ZFPM1: variants seen among roughly 807,000 people sequenced by gnomAD.
ZFPM1 encodes zinc finger protein ZFPM1.
A neutral mutation model predicts 46.3 loss-of-function variants in ZFPM1; 28 were observed. The observed-to-expected ratio is 0.60, with a 90% CI of 0.45 to 0.83. ZFPM1 has a LOEUF of 0.83. Among genes scored for constraint, ZFPM1 ranks in the 40% least tolerant of loss-of-function variants. The pLI, the probability that ZFPM1 is intolerant of heterozygous loss-of-function variation, is 0.00. For missense variants in ZFPM1, 1,878 were observed against 1,432.4 expected, an observed-to-expected ratio of 1.31 and a Z score of -5.02; for synonymous variants, 957 against 675.9, an observed-to-expected ratio of 1.42 and a Z score of -6.45.
chr16:88,457,522 C>A (rs753479394), intron 1 of ZFPM1, among the ~76,000 whole-genome samples: 1 of 152,242 alleles, frequency 6.6e-6, no homozygotes, highest in Non-Finnish European at 1.5e-5. Flanking sequence ...TGCCTCGTCC[C>A]CAGTCACCAT....
intron 3 of ZFPM1, among the ~76,000 whole-genome samples, chr16:88,493,033 C>A (rs1370563181): frequency 6.7e-6 from 1 of 150,242 alleles, no homozygotes; most frequent in Non-Finnish European, 1.5e-5. Context: ...AGAGCTGTCC[C>A]GGGGTATGGA....
intron 1 of ZFPM1, among the ~76,000 whole-genome samples, chr16:88,460,830 CT>C (rs1316910910): frequency 1.3e-5 from 2 of 151,174 alleles, no homozygotes; most frequent in Non-Finnish European, 3.0e-5. Flanking sequence ...CATGGTGCTC[CT>C]ACTCCCGTGG....
upstream of ZFPM1, among the ~76,000 whole-genome samples, chr16:88,452,325 G>C (rs547704301): frequency 3.5e-4 from 53 of 152,342 alleles, no homozygotes; most frequent in African/African-American, 1.1e-3. Context: ...ACAGCACCGC[G>C]CCCACAAACC....
Position 88,533,179 on chromosome 16 carries a change from G to C in ZFPM1, c.1221G>C (p.Thr407=), listed in dbSNP as rs541452881. The C allele has an allele frequency of 9.2e-6, 14 of 1,521,044 alleles. No individual in the cohort carries two copies. The African/African-American group carries it at 1.5e-4, about 16-fold the overall frequency. The allele number at this position is 1,521,044 out of a possible 1,614,324, so 94.2% of individuals were successfully genotyped here. A position where few individuals can be genotyped will look rare whatever the true frequency, so the allele number is the denominator to read the frequency against. ...DSLGSFQQQH[T]ALQGPLASAD... is the part of the protein sequence containing the mutation. ...TGGGCAGCTTCCAGCAGCAGCACAC[G>C]GCCCTGCAAGGCCCCCTGGCCTCCG... The change falls in exon 10 of 10, where the codon ACG becomes ACC. Residue 407 remains threonine, a synonymous_variant. Coordinates refer to ENST00000319555, the MANE Select transcript of ZFPM1 (RefSeq NM_153813.3).
chr16:88,483,623 G>A (rs987470553), intron 1 of ZFPM1, among the ~76,000 whole-genome samples: 3 of 152,208 alleles, frequency 2.0e-5, no homozygotes, highest in African/African-American at 7.2e-5. Context: ...CATTGTTTTC[G>A]GCCGGGGCCC....
rs936359235 is a variant in ZFPM1 at position 88,480,319 on chromosome 16, G to A, written c.41-5620G>A. ...GTCACTGCAGGATCTCTGGCACCTC[G>A]TGAGGGTGGGGCACGCCAAGGGCTC... is the stretch of plus-strand genomic sequence containing the variant. On this transcript the variant is annotated intron_variant, in intron 1 of 9. Coordinates refer to ENST00000319555, the MANE Select transcript of ZFPM1 (RefSeq NM_153813.3). This position sits in a 1 kb window ranked among gnomAD's most constrained non-coding sequence, Gnocchi z 4.9. Among the ~76,000 whole-genome samples, 11 of 152,232 alleles carry A rather than the reference G, an allele frequency of 7.2e-5. No individual in the cohort carries two copies. Among genetic ancestry groups the A allele is most frequent in the African/African-American group, 2.6e-4 (11 of 41,536 alleles).
chr16:88,485,156 G>A (rs991764417), intron 1 of ZFPM1, among the ~76,000 whole-genome samples: 3 of 152,224 alleles, frequency 2.0e-5, no homozygotes, highest in Non-Finnish European at 4.4e-5. Flanking sequence ...GCCAGGCGGA[G>A]GCCGTGGCGA....
intron 1 of ZFPM1, among the ~76,000 whole-genome samples, chr16:88,475,519 G>GT (rs1162120770): frequency 1.3e-5 from 2 of 150,548 alleles, no homozygotes; most frequent in Non-Finnish European, 2.9e-5. Flanking sequence ...GGTCCGGGGG[G>GT]GGGAGCACAG....
Position 88,514,454 on chromosome 16 carries a change from C to A in ZFPM1, c.336C>A (p.Gly112=). ...RIRARLSLAT[G]LSWGPFHGSV... ...GGGCCCGACTCAGCCTCGCCACGGGCCTGTCCTGGGGCCCGTTCCATGGGA... is the reference window on the plus strand; with the variant it reads ...GGGCCCGACTCAGCCTCGCCACGGGACTGTCCTGGGGCCCGTTCCATGGGA... Residue 112 remains glycine, a synonymous_variant, in exon 4 of 10, where the codon GGC becomes GGA. Coordinates refer to ENST00000319555, the MANE Select transcript of ZFPM1 (RefSeq NM_153813.3). 1 of 1,559,022 alleles carries A rather than the reference C, an allele frequency of 6.4e-7. No homozygotes were observed. Among genetic ancestry groups the A allele is most frequent in the Non-Finnish European group, 8.7e-7 (1 of 1,151,840 alleles).
chr16:88,511,512 G>C (rs767820791), intron 3 of ZFPM1, among the ~76,000 whole-genome samples: 1 of 152,010 alleles, frequency 6.6e-6, no homozygotes, highest in African/African-American at 2.4e-5. Flanking sequence ...AGCATCCCCC[G>C]GCCCTAGGCT....
chr16:88,527,086 A>T (rs765760903), intron 5 of ZFPM1, among the ~76,000 whole-genome samples, 170 bp downstream of exon 5: 1 of 152,134 alleles, frequency 6.6e-6, no homozygotes, highest in Non-Finnish European at 1.5e-5. Flanking sequence ...TACTGGGACC[A>T]GTCAGCCCAG....
intron 3 of ZFPM1, among the ~76,000 whole-genome samples, chr16:88,510,282 C>T (rs1278392627): frequency 6.6e-6 from 1 of 152,324 alleles, no homozygotes; most frequent in South Asian, 2.1e-4. Context: ...CAGGCACCCC[C>T]AAAAGGCCCT....
chr16:88,515,919 G>A (rs889883802), intron 4 of ZFPM1, among the ~76,000 whole-genome samples: 2 of 152,084 alleles, frequency 1.3e-5, no homozygotes, highest in African/African-American at 2.4e-5. Context: ...AGGAATGAGT[G>A]GATGGGCTAG....
intron 1 of ZFPM1, among the ~76,000 whole-genome samples, chr16:88,473,774 G>A (rs1276056055): frequency 2.0e-5 from 3 of 152,138 alleles, no homozygotes; most frequent in Admixed American, 6.5e-5. Context: ...AGCCGCGTGC[G>A]TGGCCTCAGC....
At chr16:88,531,764 G>A (rs1006433211) in intron 6 of ZFPM1, among the ~76,000 whole-genome samples, 1 of 152,198 alleles carries the variant, frequency 6.6e-6, no homozygotes. Flanking sequence ...GGACCCATAG[G>A]GGTTCACTCA....
rs995924899 is a variant in ZFPM1 at position 88,536,453 on chromosome 16, C to G, written c.*1474C>G. 6.6e-6 allele frequency: 1 copy of G among 152,256 alleles called. No individual in the cohort carries two copies. Among genetic ancestry groups the G allele is most frequent in the East Asian group, 1.9e-4 (1 of 5,202 alleles). The allele number at this position is 152,256 out of a possible 1,614,324, so 9.4% of individuals were successfully genotyped here. On this transcript the variant is annotated 3_prime_UTR_variant, in exon 10 of 10. Transcript: ENST00000319555. ...CCTCCCAGAACATTAGGATGACAGGCGCGAGCTACCATTCCCAGCCCATTT... is the reference window on the plus strand; with the variant it reads ...CCTCCCAGAACATTAGGATGACAGGGGCGAGCTACCATTCCCAGCCCATTT...
intron 3 of ZFPM1, among the ~76,000 whole-genome samples, chr16:88,509,458 GGGA>G (rs1479120546): frequency 3.4e-4 from 52 of 152,356 alleles, no homozygotes; most frequent in South Asian, 6.2e-4. Flanking sequence ...TAGGCACACA[GGGA>G]GGCTGGCCCC....
chr16:88,534,360 C>G lies in ZFPM1; in HGVS notation c.2402C>G (p.Pro801Arg), dbSNP rs910446179. ...GGCCCCATCGACCTGAGCAAGAAGC[C>G]GCGGCGCCCGCTCCCCGGAGCCCCG... Reference protein sequence around the residue: ...ADGPIDLSKKPRRPLPGAPAP... With the variant: ...ADGPIDLSKKRRRPLPGAPAP... Residue 801 changes from proline to arginine, a missense_variant, in exon 10 of 10, where the codon CCG becomes CGG. Pro to Arg is a moderately radical substitution (Grantham distance 103, BLOSUM62 -2). Coordinates refer to ENST00000319555, the MANE Select transcript of ZFPM1 (RefSeq NM_153813.3). 2.1e-6 allele frequency: 3 copies of G among 1,425,964 alleles called. No individual in the cohort carries two copies. The highest frequency in any genetic ancestry group is 2.7e-6 in the Non-Finnish European group (3 of 1,093,698). The allele number at this position is 1,425,964 out of a possible 1,614,324, so 88.3% of individuals were successfully genotyped here. A position where few individuals can be genotyped will look rare whatever the true frequency, so the allele number is the denominator to read the frequency against.
chr16:88,506,581 G>A (rs1910673744), intron 3 of ZFPM1, among the ~76,000 whole-genome samples: 2 of 152,192 alleles, frequency 1.3e-5, no homozygotes, highest in Admixed American at 1.3e-4. Context: ...ACGGGGCACA[G>A]CTCTGAGGAG....
Sources: gnomAD v4.1 joint callset for allele counts (sites outside exome capture counted in the v4.1 genomes callset) on GRCh38, gnomAD v4.1.1 for gene constraint, Gnocchi (gnomAD v3.1) non-coding constraint, MANE v1.5 for transcripts, NCBI Gene and HGNC (gene_info 2026-07-23, HGNC 2026-07-21) for gene names.